The following CFAP20DC variants were observed in gnomAD, a reference collection of about 807,000 sequenced individuals.
CFAP20DC encodes CFAP20 domain containing, also known as protein CFAP20DC.
CFAP20DC carries 84 observed loss-of-function variants against 101.7 expected under a neutral mutation model. That is an observed-to-expected ratio of 0.83 (90% CI 0.69 to 0.99). The LOEUF (loss-of-function observed/expected upper bound fraction) is 0.99, where lower values mean the gene tolerates loss of function less well. CFAP20DC is among the 50% of genes least tolerant of loss of function. The pLI, the probability that CFAP20DC is intolerant of heterozygous loss-of-function variation, is 0.00. For missense variants in CFAP20DC, 1,007 were observed against 970.3 expected (o/e 1.04, Z -0.50); for synonymous variants, 359 against 351.2 (o/e 1.02, Z -0.25).
chr3:58,848,465 G>C (rs2077923635), intron 13 of CFAP20DC, among the ~76,000 whole-genome samples: 1 of 152,084 alleles, frequency 6.6e-6, no homozygotes. Flanking sequence ...CAGCTTATAG[G>C]GGAATTGAAG....
At chr3:58,814,155 C>G (rs2074918226) in intron 14 of CFAP20DC, among the ~76,000 whole-genome samples, 9 of 151,806 alleles carry the variant, frequency 5.9e-5, no homozygotes, top group Admixed American at 5.2e-4. Flanking sequence ...GCATCACAGA[C>G]CTGATATTCA....
intron 14 of CFAP20DC, among the ~76,000 whole-genome samples, chr3:58,821,504 C>G (rs2075642626): frequency 6.6e-6 from 1 of 151,760 alleles, no homozygotes; most frequent in South Asian, 2.1e-4. Context: ...AGACACTTCT[C>G]AAAAGAAGAC....
intron 12 of CFAP20DC, among the ~76,000 whole-genome samples, chr3:58,854,058 G>C (rs1211377954): frequency 2.6e-5 from 4 of 152,148 alleles, no homozygotes; most frequent in Admixed American, 2.6e-4. Context: ...CCTGTTTGCA[G>C]ACGACATGAT....
chr3:58,777,540 C>A (rs1257575075), intron 15 of CFAP20DC, among the ~76,000 whole-genome samples: 1 of 152,160 alleles, frequency 6.6e-6, no homozygotes, highest in Non-Finnish European at 1.5e-5. Flanking sequence ...TCAAAGTATG[C>A]ACAAATGAAT....
intron 16 of CFAP20DC, among the ~76,000 whole-genome samples, chr3:58,752,083 T>C (rs2068615127): frequency 6.6e-6 from 1 of 152,146 alleles, no homozygotes; most frequent in African/African-American, 2.4e-5. Flanking sequence ...AAACACTATC[T>C]CAGCATACTG....
chr3:59,035,731 A>G (rs997430361), intron 4 of CFAP20DC, among the ~76,000 whole-genome samples: 5 of 152,110 alleles, frequency 3.3e-5, no homozygotes, highest in African/African-American at 1.2e-4. Flanking sequence ...GAAAGCCCAG[A>G]ACCAGACAGA....
chr3:58,841,748 C>CT (rs1436984743), intron 13 of CFAP20DC, among the ~76,000 whole-genome samples: 3 of 152,102 alleles, frequency 2.0e-5, no homozygotes, highest in African/African-American at 7.2e-5. Context: ...AGTCATGTCT[C>CT]TTTCTTTTCT....
intron 5 of CFAP20DC, among the ~76,000 whole-genome samples, chr3:58,917,680 A>G (rs1366426782): frequency 6.6e-6 from 1 of 152,196 alleles, no homozygotes; most frequent in Non-Finnish European, 1.5e-5. Context: ...TCAGCTTACA[A>G]TGACCTTATT....
intron 4 of CFAP20DC, among the ~76,000 whole-genome samples, chr3:58,989,280 A>G (rs1170739771): frequency 2.6e-5 from 4 of 152,172 alleles, no homozygotes; most frequent in Non-Finnish European, 4.4e-5. Flanking sequence ...TACTAATAGC[A>G]GAGCTTCTTA....
At position 58,936,675 on chromosome 3, in the gene CFAP20DC, C is replaced by T. The variant is rs1443656220; in HGVS notation, c.393+973G>A. 9.2e-5 allele frequency among the ~76,000 whole-genome samples: 14 copies of T among 152,168 alleles called. No individual in the cohort carries two copies. In the East Asian group the frequency reaches 1.5e-3, roughly 17 times the overall value. On this transcript the variant is annotated intron_variant, in intron 5 of 16. Coordinates refer to ENST00000482387, the MANE Select transcript of CFAP20DC (RefSeq NM_001394063.1). ...CATTCTCAGTAAACTATCGCAAGGA[C>T]GGAAAACCAAACACCGCATGTTCTC... is the stretch of plus-strand genomic sequence containing the variant.
chr3:58,829,221 T>G (rs1575798096), intron 14 of CFAP20DC, among the ~76,000 whole-genome samples: 1 of 148,904 alleles, frequency 6.7e-6, no homozygotes. Context: ...TAATCCCTGA[T>G]GGGTGCCTGT....
At chr3:58,815,888 A>C (rs2075084092) in intron 14 of CFAP20DC, among the ~76,000 whole-genome samples, 1 of 151,378 alleles carries the variant, frequency 6.6e-6, no homozygotes, top group African/African-American at 2.5e-5. Context: ...GTGGAGAAAT[A>C]GGAACACTTT....
At chr3:59,045,615 G>A (rs903917829) in intron 3 of CFAP20DC, among the ~76,000 whole-genome samples, 1 of 152,054 alleles carries the variant, frequency 6.6e-6, no homozygotes, top group Non-Finnish European at 1.5e-5. Flanking sequence ...GCTTTGAAAT[G>A]CTGATCTTAA....
rs560768581 is a variant in CFAP20DC, at chr3:58,764,910, G to A, written c.2238-11047C>T. 2.0e-5 allele frequency among the ~76,000 whole-genome samples: 3 copies of A among 152,288 alleles called. No individual in the cohort carries two copies. In the South Asian group the frequency reaches 6.2e-4, roughly 32 times the overall value. ...ACATATTGAGTACTCTGCAAGAAGA[G>A]GTGCTGTATTCAAGAGTCGAGACCA... On this transcript the variant is annotated intron_variant, in intron 15 of 16. Coordinates refer to ENST00000482387, the MANE Select transcript of CFAP20DC (RefSeq NM_001394063.1).
At chr3:58,814,686 A>T (rs1449464865) in intron 14 of CFAP20DC, among the ~76,000 whole-genome samples, 3 of 150,880 alleles carry the variant, frequency 2.0e-5, no homozygotes, top group Non-Finnish European at 2.9e-5. Context: ...AATGTACAAA[A>T]ATCACAAGCA....
rs1420672236 is a variant in CFAP20DC, at chr3:58,890,348, G to A, written c.551-5639C>T. On this transcript the variant is annotated intron_variant, in intron 6 of 16. Transcript: ENST00000482387. The stretch of plus-strand genomic sequence containing the variant: ...TCCCTCCCGGACGGGGCGGCTGGCC[G>A]GGCAGAGGGGCTCCTCACTTCCCAG... Among the ~76,000 whole-genome samples, 235 of 143,508 alleles carry A rather than the reference G, an allele frequency of 1.6e-3. 1 individual carries two copies. The highest frequency in any genetic ancestry group is 5.7e-3 in the African/African-American group (220 of 38,276). 94.1% of individuals were successfully genotyped at this position (143,508 alleles called of 152,430 possible).
chr3:58,971,266 C>A lies in CFAP20DC; in HGVS notation c.279-33504G>T, dbSNP rs2108365385. ...AAATCACAAATCAGTTAAGGATTCACAATTATCAACACAAACTATGATTAT... is the reference window on the plus strand; with the variant it reads ...AAATCACAAATCAGTTAAGGATTCAAAATTATCAACACAAACTATGATTAT... On this transcript the variant is annotated intron_variant, in intron 4 of 16. Transcript: ENST00000482387. The surrounding 1 kb of genome is among the most constrained non-coding windows in gnomAD (Gnocchi z 4.1). 6.6e-6 allele frequency among the ~76,000 whole-genome samples: 1 copy of A among 152,208 alleles called. No homozygotes were observed. Among genetic ancestry groups the A allele is most frequent in the South Asian group, 2.1e-4 (1 of 4,828 alleles).
At chr3:59,000,947 G>A (rs2093292205) in intron 4 of CFAP20DC, among the ~76,000 whole-genome samples, 1 of 151,936 alleles carries the variant, frequency 6.6e-6, no homozygotes, top group Non-Finnish European at 1.5e-5. Flanking sequence ...CAGTGAGAAA[G>A]TATAAAAGAA....
chr3:58,841,804 T>G (rs1335860281), intron 13 of CFAP20DC, among the ~76,000 whole-genome samples: 3 of 152,242 alleles, frequency 2.0e-5, no homozygotes, highest in Non-Finnish European at 4.4e-5. Flanking sequence ...TTTGTCTTTC[T>G]TATGAAACTA....
Sources: allele counts gnomAD v4.1 joint callset (sites outside exome capture counted in the v4.1 genomes callset), GRCh38; gene constraint gnomAD v4.1.1; non-coding constraint Gnocchi (gnomAD v3.1); transcripts MANE v1.5; gene names NCBI Gene and HGNC (gene_info 2026-07-23, HGNC 2026-07-21).